MAGI1: variants seen among roughly 807,000 people sequenced by gnomAD.
The protein encoded by MAGI1 is membrane associated guanylate kinase, WW and PDZ domain containing 1, also known as membrane-associated guanylate kinase, WW and PDZ domain-containing protein 1.
MAGI1 carries 58 observed loss-of-function variants against 139.9 expected under a neutral mutation model. The ratio of observed to expected loss-of-function variants is 0.41; its 90% confidence interval spans 0.34 to 0.52. The LOEUF is 0.52. Among genes scored for constraint, MAGI1 ranks in the 20% least tolerant of loss-of-function variants. The pLI, the probability that MAGI1 is intolerant of heterozygous loss-of-function variation, is 0.12. For missense variants in MAGI1, 1,874 were observed against 1,901.6 expected (o/e 0.99, Z 0.27); for synonymous variants, 812 against 737.9 (o/e 1.10, Z -1.63).
intron 12 of MAGI1, among the ~76,000 whole-genome samples, chr3:65,422,895 G>A (rs984818663): frequency 3.9e-5 from 6 of 152,070 alleles, no homozygotes; most frequent in African/African-American, 9.7e-5. Flanking sequence ...TGGAGTTCAC[G>A]CTTAATGATG....
intron 1 of MAGI1, among the ~76,000 whole-genome samples, chr3:65,897,838 G>A (rs1389806390): frequency 6.7e-6 from 1 of 149,892 alleles, no homozygotes; most frequent in Non-Finnish European, 1.5e-5. Flanking sequence ...ACTCCAGCCT[G>A]AGCAACAGAG....
chr3:65,411,767 T>C (rs1251295060), intron 12 of MAGI1, among the ~76,000 whole-genome samples: 2 of 152,150 alleles, frequency 1.3e-5, no homozygotes, highest in South Asian at 4.1e-4. Flanking sequence ...AGGACCAAGA[T>C]AGAAACCCAG....
chr3:65,399,641 T>G (rs556173103), intron 13 of MAGI1, among the ~76,000 whole-genome samples: 1 of 152,300 alleles, frequency 6.6e-6, no homozygotes, highest in African/African-American at 2.4e-5. Context: ...GTTGAGAGCT[T>G]CTTTCTTAGG....
In MAGI1 at chr3:65,722,598, G is replaced by A. The variant is rs964412358; in HGVS notation, c.314-100510C>T. On this transcript the variant is annotated intron_variant, in intron 1 of 22. Transcript: ENST00000402939. ...CAGCGAGCCATGATCACACCGCTGCGCTCCAGCCTGGGCCATAGAGCGAGA... is the reference window on the plus strand; with the variant it reads ...CAGCGAGCCATGATCACACCGCTGCACTCCAGCCTGGGCCATAGAGCGAGA... 6.6e-5 allele frequency among the ~76,000 whole-genome samples: 10 copies of A among 152,232 alleles called. No homozygotes were observed. The East Asian group carries it at 1.2e-3, about 18-fold the overall frequency.
At chr3:65,555,095 C>T (rs1349015023) in intron 2 of MAGI1, among the ~76,000 whole-genome samples, 1 of 152,184 alleles carries the variant, frequency 6.6e-6, no homozygotes, top group African/African-American at 2.4e-5. Context: ...TAAATGGGAA[C>T]ACGCCATACA....
At chr3:65,587,982 C>T (rs906825522) in intron 2 of MAGI1, among the ~76,000 whole-genome samples, 1 of 152,140 alleles carries the variant, frequency 6.6e-6, no homozygotes, top group African/African-American at 2.4e-5. Flanking sequence ...TCTCAATTCT[C>T]CAGCACACAT....
Position 65,361,342 on chromosome 3 carries a change from C to G in MAGI1, c.3496-5G>C, listed in dbSNP as rs1012559752. ...CTCTAAAATTTCATCACCAATCTGCCAAAGCAAAAGAAAACTAAGTGAGAT... is the reference window on the plus strand; with the variant it reads ...CTCTAAAATTTCATCACCAATCTGCGAAAGCAAAAGAAAACTAAGTGAGAT... On this transcript the variant is annotated splice_region_variant and splice_polypyrimidine_tract_variant and intron_variant, in intron 21 of 22. Coordinates refer to ENST00000402939, the MANE Select transcript of MAGI1 (RefSeq NM_001033057.2). 6.8e-6 allele frequency: 11 copies of G among 1,612,690 alleles called. No individual in the cohort carries two copies. The highest frequency in any genetic ancestry group is 9.3e-6 in the Non-Finnish European group (11 of 1,179,020).
intron 1 of MAGI1, among the ~76,000 whole-genome samples, chr3:65,655,262 G>A (rs2085806471): frequency 6.6e-6 from 1 of 152,100 alleles, no homozygotes; most frequent in Non-Finnish European, 1.5e-5. Context: ...TGTAGTCCCA[G>A]ATGGCATTGG....
intron 1 of MAGI1, among the ~76,000 whole-genome samples, chr3:65,784,446 G>A (rs1479835950): frequency 2.6e-5 from 4 of 152,320 alleles, no homozygotes; most frequent in African/African-American, 9.6e-5. Context: ...GGCCAGGAGC[G>A]TTGGCTCACG....
intron 1 of MAGI1, among the ~76,000 whole-genome samples, chr3:65,644,416 C>CAAAAAAAAAAAAAAAAAAAAAAA (rs750068803): frequency 9.7e-6 from 1 of 102,856 alleles, no homozygotes; most frequent in African/African-American, 3.4e-5. Context: ...AACCTCAGCC[C>CAAAAAAAAAAAAAAAAAAAAAAA]AAAAAAAAAA....
intron 1 of MAGI1, among the ~76,000 whole-genome samples, chr3:65,751,707 G>A (rs907729308): frequency 1.3e-5 from 2 of 152,172 alleles, no homozygotes; most frequent in Non-Finnish European, 2.9e-5. Flanking sequence ...ATGTATGTGT[G>A]CAGATTTACA....
intron 2 of MAGI1, among the ~76,000 whole-genome samples, chr3:65,510,025 C>A (rs888402554): frequency 2.0e-5 from 3 of 152,032 alleles, no homozygotes; most frequent in Non-Finnish European, 4.4e-5. Flanking sequence ...AACTGGGAGG[C>A]AGCCCCCAGC....
At chr3:65,881,879 G>C (rs1048489313) in intron 1 of MAGI1, among the ~76,000 whole-genome samples, 1 of 152,120 alleles carries the variant, frequency 6.6e-6, no homozygotes, top group Non-Finnish European at 1.5e-5. Flanking sequence ...AGGCATAAGA[G>C]CCTCTGGAAA....
chr3:65,418,507 C>G (rs947627967), intron 12 of MAGI1, among the ~76,000 whole-genome samples: 3 of 152,152 alleles, frequency 2.0e-5, no homozygotes, highest in Admixed American at 6.5e-5. Context: ...ACAGTTTACA[C>G]AGACTAACCC....
In MAGI1 at chr3:65,622,095, G is replaced by A. The variant is rs554604020; in HGVS notation, c.314-7C>T. 4 of 1,590,240 alleles carry A rather than the reference G, an allele frequency of 2.5e-6. No homozygotes were observed. The East Asian group carries it at 6.7e-5, about 27-fold the overall frequency. Reference sequence around the variant, plus strand: ...TCCTTGTTCAGCCTTCCTCCTGCAGGAAATACATAAAATAGACATACCACA... The same window carrying A: ...TCCTTGTTCAGCCTTCCTCCTGCAGAAAATACATAAAATAGACATACCACA... On this transcript the variant is annotated splice_region_variant and splice_polypyrimidine_tract_variant and intron_variant, in intron 1 of 22. Transcript: ENST00000402939.
intron 17 of MAGI1, among the ~76,000 whole-genome samples, chr3:65,377,605 T>C (rs569240828): frequency 2.0e-4 from 31 of 152,240 alleles, no homozygotes; most frequent in Non-Finnish European, 3.7e-4. Flanking sequence ...AGTCAAACTG[T>C]AGATCTGAAG....
At chr3:65,564,654 A>G (rs2080525256) in intron 2 of MAGI1, among the ~76,000 whole-genome samples, 2 of 152,226 alleles carry the variant, frequency 1.3e-5, no homozygotes, top group Non-Finnish European at 2.9e-5. Context: ...TTAAACATAG[A>G]CACAGCCTCG....
At chr3:65,945,764 G>A (rs76164612) in intron 1 of MAGI1, among the ~76,000 whole-genome samples, 6 of 152,182 alleles carry the variant, frequency 3.9e-5, no homozygotes, top group African/African-American at 1.4e-4. Context: ...TGGAGTCTCT[G>A]TGAATCTGCT....
intron 1 of MAGI1, among the ~76,000 whole-genome samples, chr3:65,854,339 C>T (rs1268779327): frequency 6.6e-6 from 1 of 152,132 alleles, no homozygotes; most frequent in Non-Finnish European, 1.5e-5. Flanking sequence ...GACATGAGTA[C>T]ATGCAATACA....
Sources: gnomAD v4.1 joint callset for allele counts (sites outside exome capture counted in the v4.1 genomes callset) on GRCh38, gnomAD v4.1.1 for gene constraint, MANE v1.5 for transcripts, NCBI Gene and HGNC (gene_info 2026-07-23, HGNC 2026-07-21) for gene names.